MROH9: variants seen among roughly 807,000 people sequenced by gnomAD.
MROH9 encodes the protein maestro heat-like repeat-containing protein family member 9.
In MROH9, 92 loss-of-function variants were observed where a neutral mutation model predicts 98.2. The ratio of observed to expected loss-of-function variants is 0.94; its 90% CI spans 0.79 to 1.11. MROH9 has a LOEUF of 1.11. MROH9 is among the 50% of genes most tolerant of loss of function. The pLI, the probability that MROH9 is intolerant of heterozygous loss-of-function variation, is 0.00. For synonymous variants in MROH9, 397 were observed against 368.9 expected, an observed-to-expected ratio of 1.08 and a Z score of -0.87; for missense variants, 1,057 against 1,014.8, an observed-to-expected ratio of 1.04 and a Z score of -0.57.
At position 171,024,682 on chromosome 1, in the gene MROH9, C is replaced by T. The variant is rs537065532; in HGVS notation, c.2095C>T (p.Gln699Ter). ...CKYTLKICTS[Q>*]LKWSTSRLLK... ...ATATACATTAAAAATCTGTACCTCACAATTAAAGTGGTCAACATCACGTTT... is the reference window on the plus strand; with the variant it reads ...ATATACATTAAAAATCTGTACCTCATAATTAAAGTGGTCAACATCACGTTT... The change falls in exon 19 of 22, where the codon CAA becomes TAA. Residue 699 changes from glutamine (Q) to a stop codon, truncating the protein, a stop_gained. Coordinates refer to ENST00000367759, the MANE Select transcript of MROH9 (RefSeq NM_001163629.2). LOFTEE classifies it high-confidence loss of function. 21 of 1,550,992 alleles carry T rather than the reference C, an allele frequency of 1.4e-5. No homozygotes were observed. The highest frequency in any genetic ancestry group is 1.7e-5 in the Non-Finnish European group (20 of 1,146,638).
chr1:171,030,145 C>T (rs1408398499), intron 20 of MROH9, among the ~76,000 whole-genome samples: 2 of 152,070 alleles, frequency 1.3e-5, no homozygotes, highest in Non-Finnish European at 2.9e-5. Flanking sequence ...AGTGATATTT[C>T]CTTATCAGTT....
rs555372440 is a variant in MROH9, at chr1:170,971,304, T to C, written c.481-444T>C. ...AATAACTTCCAGAGGAAAAGTGGCATGCCTCCTCAGTGACTTGTAGAAACA... is the reference window on the plus strand; with the variant it reads ...AATAACTTCCAGAGGAAAAGTGGCACGCCTCCTCAGTGACTTGTAGAAACA... On this transcript the variant is annotated intron_variant, in intron 7 of 21. Transcript: ENST00000367759. Among the ~76,000 whole-genome samples, 6 of 152,326 alleles carry C rather than the reference T, an allele frequency of 3.9e-5. No homozygotes were observed. In the South Asian group the frequency reaches 1.0e-3, roughly 26 times the overall value.
chr1:171,005,900 T>G (rs956389936), intron 15 of MROH9, among the ~76,000 whole-genome samples: 1 of 152,050 alleles, frequency 6.6e-6, no homozygotes, highest in East Asian at 1.9e-4. Context: ...ATTAACAAAT[T>G]ATTGAAGCTA....
chr1:170,952,537 G>A (rs1649594782), intron 3 of MROH9, among the ~76,000 whole-genome samples: 1 of 148,090 alleles, frequency 6.8e-6, no homozygotes, highest in Non-Finnish European at 1.5e-5. Flanking sequence ...ACTCATAGGT[G>A]GGAATTGAAC....
chr1:171,029,194 C>T (rs1319890908), intron 20 of MROH9, among the ~76,000 whole-genome samples: 1 of 151,864 alleles, frequency 6.6e-6, no homozygotes. Context: ...AGATATCTTC[C>T]TTCAATATCT....
chr1:170,956,224 T>C (rs1649752040), intron 3 of MROH9, among the ~76,000 whole-genome samples: 1 of 152,224 alleles, frequency 6.6e-6, no homozygotes, highest in Non-Finnish European at 1.5e-5. Context: ...TATGGCCTTA[T>C]AGTACAGCTT....
intron 7 of MROH9, among the ~76,000 whole-genome samples, chr1:170,968,393 A>G (rs1231600406): frequency 6.6e-6 from 1 of 152,172 alleles, no homozygotes; most frequent in East Asian, 1.9e-4. Context: ...TAGCTATACT[A>G]CAGCATGACC....
At chr1:171,012,654 C>T (rs1652195228) in intron 15 of MROH9, among the ~76,000 whole-genome samples, 1 of 151,988 alleles carries the variant, frequency 6.6e-6, no homozygotes, top group Admixed American at 6.6e-5. Context: ...AGGTGCCTGC[C>T]ACCACGCCTG....
At chr1:171,025,240 T>C in intron 19 of MROH9, 78 bp from the exon 20 acceptor site, 1 of 821,322 alleles carries the variant, frequency 1.2e-6, no homozygotes, top group Non-Finnish European at 2.0e-6. Context: ...TGATTTGGTA[T>C]GTTGAAGCCT....
chr1:170,957,809 TGTTTG>T lies in MROH9; in HGVS notation c.73-651_73-647del, dbSNP rs1557873164. On this transcript the variant is annotated intron_variant, in intron 3 of 21. Transcript: ENST00000367759. ...GGCATTTTTTTGTTTTTTTTTTTTT[TGTTTG>T]TTTGTTTTTTTTGAGACAGAGTCTC... is the stretch of plus-strand genomic sequence containing the variant. 9.1e-4 allele frequency among the ~76,000 whole-genome samples: 122 copies of T among 134,002 alleles called. 8 individuals are homozygous for T. The highest frequency in any genetic ancestry group is 1.4e-3 in the Non-Finnish European group (83 of 60,336). The allele number at this position is 134,002 out of a possible 152,430, so 87.9% of individuals were successfully genotyped here.
intron 17 of MROH9, among the ~76,000 whole-genome samples, chr1:171,022,773 A>T (rs1652562330): frequency 6.6e-6 from 1 of 152,170 alleles, no homozygotes; most frequent in Non-Finnish European, 1.5e-5. Context: ...AAAAAAAAGA[A>T]AAAAGTGGCT....
rs1651655815 is a variant in MROH9, at chr1:170,998,244, C to T, written c.1566C>T (p.Asp522=). ...TAGAAGGTCCTAGAAGGTCAGAAGA[C>T]ACTGTCATCGTATTAATATTCCTCA... is the stretch of plus-strand genomic sequence containing the variant. ...LSVEGPRRSE[D]TVIVLIFLTE... The change falls in exon 15 of 22, where the codon GAC becomes GAT. Residue 522 remains aspartate (D), a synonymous_variant. Coordinates refer to ENST00000367759, the MANE Select transcript of MROH9 (RefSeq NM_001163629.2). 6.2e-7 allele frequency: 1 copy of T among 1,613,416 alleles called. No homozygotes were observed. Among genetic ancestry groups the T allele is most frequent in the Non-Finnish European group, 8.5e-7 (1 of 1,179,550 alleles).
intron 3 of MROH9, 151 bp from the exon 4 acceptor site, chr1:170,958,310 C>T (rs1034692012): frequency 5.5e-5 from 26 of 470,876 alleles, no homozygotes; most frequent in Non-Finnish European, 8.1e-5. Flanking sequence ...AGTTTGGTCT[C>T]AACACTTCTA....
chr1:170,997,163 C>A (rs1368241088), intron 14 of MROH9, among the ~76,000 whole-genome samples: 2 of 152,096 alleles, frequency 1.3e-5, no homozygotes, highest in Non-Finnish European at 2.9e-5. Flanking sequence ...GATCAAGAAT[C>A]AAAATACGGG....
chr1:170,992,581 T>C (rs958128837), intron 12 of MROH9, among the ~76,000 whole-genome samples: 4 of 152,158 alleles, frequency 2.6e-5, no homozygotes, highest in African/African-American at 9.7e-5. Context: ...AAAAGAGATA[T>C]ATAGTGGTGT....
At chr1:170,938,889 G>A (rs554000692) in intron 1 of MROH9, among the ~76,000 whole-genome samples, 2 of 152,322 alleles carry the variant, frequency 1.3e-5, no homozygotes, top group East Asian at 3.9e-4. Flanking sequence ...CCACTCGGTA[G>A]TGGCCACAGC....
intron 3 of MROH9, among the ~76,000 whole-genome samples, chr1:170,957,534 C>T (rs932978541): frequency 6.6e-6 from 1 of 152,074 alleles, no homozygotes; most frequent in Non-Finnish European, 1.5e-5. Flanking sequence ...GTCTATGAGT[C>T]TGTTTTTATA....
chr1:170,984,444 C>T (rs980544784), intron 9 of MROH9, among the ~76,000 whole-genome samples: 1 of 152,040 alleles, frequency 6.6e-6, no homozygotes, highest in Non-Finnish European at 1.5e-5. Context: ...TTCTTTCCCA[C>T]CTCCTCTCAA....
chr1:170,996,935 G>GT (rs1651603147), intron 14 of MROH9, among the ~76,000 whole-genome samples: 1 of 151,908 alleles, frequency 6.6e-6, no homozygotes, highest in East Asian at 1.9e-4. Context: ...AGTGAGTTTG[G>GT]TTTTTTCCCT....
Sources: allele counts gnomAD v4.1 joint callset (sites outside exome capture counted in the v4.1 genomes callset), GRCh38; gene constraint gnomAD v4.1.1; transcripts MANE v1.5; gene names NCBI Gene and HGNC (gene_info 2026-07-23, HGNC 2026-07-21).